NAA16: variants seen among roughly 807,000 people sequenced by gnomAD.
NAA16 encodes NARG1-like protein.
A neutral mutation model predicts 110.3 loss-of-function variants in NAA16; 97 were observed. The ratio of observed to expected loss-of-function variants is 0.88; its 90% CI spans 0.75 to 1.04. The LOEUF (loss-of-function observed/expected upper bound fraction) is 1.04, where lower values mean the gene tolerates loss of function less well. Among genes scored for constraint, NAA16 ranks in the 50% least tolerant of loss-of-function variants. NAA16 has a pLI of 0.00. For synonymous variants in NAA16, 372 were observed against 330.6 expected (o/e 1.13, Z -1.36); for missense variants, 1,017 against 1,005.1 (o/e 1.01, Z -0.16).
intron 6 of NAA16, among the ~76,000 whole-genome samples, chr13:41,326,493 C>T (rs917019051): frequency 2.0e-5 from 3 of 152,124 alleles, no homozygotes; most frequent in Admixed American, 2.0e-4. Flanking sequence ...GATTTTAAAA[C>T]TCTTCTTCTA....
rs192193727 is a variant in NAA16 at position 41,367,633 on chromosome 13, A to G, written c.1734A>G (p.Lys578=). 1.6e-4 allele frequency: 265 copies of G among 1,607,152 alleles called. 1 individual carries two copies. In the East Asian group the frequency reaches 5.1e-3, roughly 31 times the overall value. ...ATAATCCCTTAACCAATGAAAGCAA[A>G]CAACAAGAAATAAACTCAGGTAACT... The part of the protein sequence containing the change: ...LYDNPLTNES[K]QQEINSENLS... The change falls in exon 14 of 20, where the codon AAA becomes AAG. Residue 578 remains lysine (K), a synonymous_variant. Coordinates refer to ENST00000379406, the MANE Select transcript of NAA16 (RefSeq NM_024561.5).
At chr13:41,356,253 C>G (rs1016636291) in intron 10 of NAA16, among the ~76,000 whole-genome samples, 1 of 152,142 alleles carries the variant, frequency 6.6e-6, no homozygotes, top group African/African-American at 2.4e-5. Flanking sequence ...TCTTGAACTC[C>G]TGAGCTCTAG....
chr13:41,355,056 A>G (rs2042947085), intron 9 of NAA16, 88 bp from the exon 10 acceptor site: 5 of 767,102 alleles, frequency 6.5e-6, no homozygotes, highest in African/African-American at 3.6e-5. Flanking sequence ...AATAAGCTGT[A>G]TATTTTCCAA....
At chr13:41,351,516 GA>G (rs371487170) in intron 9 of NAA16, among the ~76,000 whole-genome samples, 2 of 152,030 alleles carry the variant, frequency 1.3e-5, no homozygotes, top group South Asian at 2.1e-4. Flanking sequence ...TCTTCATTGC[GA>G]AAAAAATGTG....
chr13:41,365,184 G>A (rs1446098342), intron 13 of NAA16, among the ~76,000 whole-genome samples: 2 of 152,040 alleles, frequency 1.3e-5, no homozygotes, highest in African/African-American at 4.8e-5. Flanking sequence ...GCATATTTTT[G>A]TGTTTTACAA....
At chr13:41,339,957 G>A (rs2042491536) in intron 9 of NAA16, among the ~76,000 whole-genome samples, 1 of 152,086 alleles carries the variant, frequency 6.6e-6, no homozygotes, top group South Asian at 2.1e-4. Context: ...GTGAAGAAAA[G>A]GAGAAATTCT....
intron 1 of NAA16, among the ~76,000 whole-genome samples, chr13:41,313,765 C>T (rs1291499811): frequency 6.6e-6 from 1 of 152,110 alleles, no homozygotes; most frequent in African/African-American, 2.4e-5. Context: ...GGTAAATGAC[C>T]AAGTGGCTAA....
chr13:41,358,813 A>G lies in NAA16; in HGVS notation c.1261A>G (p.Ile421Val). The G allele has an allele frequency of 8.1e-6, 13 of 1,597,742 alleles. No individual in the cohort carries two copies. The highest frequency in any genetic ancestry group is 1.1e-5 in the Non-Finnish European group (13 of 1,170,222). ...FYMKAKIYKH[I>V]GNLKEAAKWM... is the part of the protein sequence containing the mutation. ...TTCCTTTAATTATCTTTTATAGCAT[A>G]TAGGTAATCTCAAAGAAGCTGCAAA... Residue 421 changes from isoleucine (I) to valine (V), a missense_variant, in exon 12 of 20, where the codon ATA becomes GTA. Transcript: ENST00000379406.
intron 9 of NAA16, among the ~76,000 whole-genome samples, chr13:41,353,149 A>C (rs4942039): frequency 0.95 from 144,073 of 152,186 alleles, 68,253 homozygotes; most frequent in South Asian, 0.99. Flanking sequence ...CATAGGTTTC[A>C]CCCTAGAGAT....
intron 9 of NAA16, among the ~76,000 whole-genome samples, chr13:41,351,015 A>T (rs1027797718): frequency 6.6e-6 from 1 of 152,128 alleles, no homozygotes; most frequent in African/African-American, 2.4e-5. Flanking sequence ...TTTTTTAGCC[A>T]TTAGTTTGTG....
intron 9 of NAA16, among the ~76,000 whole-genome samples, chr13:41,347,234 CA>C (rs1566276607): frequency 6.8e-5 from 2 of 29,262 alleles, no homozygotes; most frequent in Non-Finnish European, 4.2e-4. Context: ...AAAACAAAAA[CA>C]AAAACAAAAA....
intron 18 of NAA16, 25 bp from the exon 19 acceptor site, chr13:41,374,717 A>C (rs1373429534): frequency 6.7e-7 from 1 of 1,485,740 alleles, no homozygotes; most frequent in African/African-American, 1.4e-5. Flanking sequence ...GTGTTTATTC[A>C]TTTTGAAATG....
intron 6 of NAA16, among the ~76,000 whole-genome samples, chr13:41,328,445 A>T (rs2139405123): frequency 6.6e-6 from 1 of 152,264 alleles, no homozygotes; most frequent in East Asian, 1.9e-4. Flanking sequence ...TATTTCAAAG[A>T]GTATAAGATG....
At chr13:41,372,111 A>G in intron 15 of NAA16, 92 bp from the exon 16 acceptor site, 1 of 1,040,594 alleles carries the variant, frequency 9.6e-7, no homozygotes. Flanking sequence ...AGCTGTCTAA[A>G]TTACTTTAGA....
intron 10 of NAA16, 144 bp from the exon 11 acceptor site, chr13:41,358,160 C>G (rs913674822): frequency 7.0e-5 from 50 of 713,090 alleles, no homozygotes; most frequent in Non-Finnish European, 1.1e-4. Context: ...AGTCATACCT[C>G]TTTCTTTTGA....
intron 1 of NAA16, among the ~76,000 whole-genome samples, chr13:41,312,980 T>C (rs184299499): frequency 1.3e-5 from 2 of 152,264 alleles, no homozygotes; most frequent in Non-Finnish European, 2.9e-5. Flanking sequence ...TTATTTTTAT[T>C]TTTAATTTTT....
chr13:41,319,007 G>T, intron 3 of NAA16, 97 bp downstream of exon 3: 1 of 562,020 alleles, frequency 1.8e-6, no homozygotes. Flanking sequence ...CTACGTAGAA[G>T]AGAGAATTTA....
intron 1 of NAA16, 45 bp from the exon 2 acceptor site, chr13:41,316,801 A>C: frequency 3.9e-6 from 5 of 1,285,718 alleles, no homozygotes; most frequent in Non-Finnish European, 5.7e-6. Context: ...TTGCTCCATT[A>C]TGTATTCATT....
intron 9 of NAA16, 26 bp downstream of exon 9, chr13:41,336,782 T>C (rs1470622605): frequency 7.5e-7 from 1 of 1,331,440 alleles, no homozygotes; most frequent in Admixed American, 2.0e-5. Context: ...TATTCAGATT[T>C]GCTATAGTCT....
Sources: allele counts gnomAD v4.1 joint callset (sites outside exome capture counted in the v4.1 genomes callset), GRCh38; gene constraint gnomAD v4.1.1; transcripts MANE v1.5; gene names NCBI Gene and HGNC (gene_info 2026-07-23, HGNC 2026-07-21).